CRPPA: variants seen among roughly 807,000 people sequenced by gnomAD.
The protein encoded by CRPPA is D-ribitol-5-phosphate cytidylyltransferase.
In CRPPA, 43 loss-of-function variants were observed where a neutral mutation model predicts 52.0. The observed-to-expected ratio is 0.83, with a 90% CI of 0.65 to 1.07. The LOEUF is 1.07. Ranked by LOEUF, CRPPA falls within the 50% of genes least tolerant of loss-of-function variation. The pLI is 0.00. For missense variants in CRPPA, 629 were observed against 551.7 expected (o/e 1.14, Z -1.40); for synonymous variants, 250 against 203.5 (o/e 1.23, Z -1.94).
intron 9 of CRPPA, among the ~76,000 whole-genome samples, chr7:16,114,346 T>A (rs1782326724): frequency 6.8e-6 from 1 of 146,260 alleles, no homozygotes; most frequent in Admixed American, 6.8e-5. Context: ...CAAAAAAAAA[T>A]CCCCAAACTT....
chr7:16,347,690 G>C (rs1178598884), intron 3 of CRPPA, among the ~76,000 whole-genome samples: 1 of 152,078 alleles, frequency 6.6e-6, no homozygotes, highest in East Asian at 1.9e-4. Context: ...TAAGGCAACT[G>C]AGAAAACATC....
chr7:16,412,979 C>G (rs1788107008), intron 1 of CRPPA, among the ~76,000 whole-genome samples: 1 of 152,134 alleles, frequency 6.6e-6, no homozygotes, highest in South Asian at 2.1e-4. Flanking sequence ...TTAACAAATG[C>G]TTTATGAAAC....
At chr7:16,408,533 C>G (rs1032469970) in intron 1 of CRPPA, among the ~76,000 whole-genome samples, 3 of 152,140 alleles carry the variant, frequency 2.0e-5, no homozygotes, top group African/African-American at 7.2e-5. Context: ...AAACTTTAAT[C>G]CTAAAAAGAG....
chr7:16,214,750 G>A (rs763583687), intron 9 of CRPPA, among the ~76,000 whole-genome samples: 24 of 152,110 alleles, frequency 1.6e-4, no homozygotes, highest in Non-Finnish European at 2.2e-4. Context: ...CAAGTGATCC[G>A]CCCGCCCATC....
chr7:16,102,867 T>C (rs1030212314), intron 9 of CRPPA, among the ~76,000 whole-genome samples: 2 of 152,146 alleles, frequency 1.3e-5, no homozygotes, highest in African/African-American at 4.8e-5. Flanking sequence ...GGTGTGTAAA[T>C]TAGTTCAACC....
chr7:16,202,073 A>T (rs1369715492), intron 9 of CRPPA, among the ~76,000 whole-genome samples: 5 of 152,188 alleles, frequency 3.3e-5, no homozygotes, highest in Non-Finnish European at 5.9e-5. Flanking sequence ...GCTGAATTTA[A>T]TCACATCTCC....
At chr7:16,353,858 A>T (rs1244163195) in intron 3 of CRPPA, among the ~76,000 whole-genome samples, 1 of 152,136 alleles carries the variant, frequency 6.6e-6, no homozygotes, top group African/African-American at 2.4e-5. Context: ...TCACAAAAAA[A>T]AAAATAAAAA....
chr7:16,271,634 A>G (rs1488415905), intron 6 of CRPPA, among the ~76,000 whole-genome samples: 1 of 152,094 alleles, frequency 6.6e-6, no homozygotes, highest in Non-Finnish European at 1.5e-5. Flanking sequence ...TGTTCTTTAA[A>G]TAGATAATTA....
At chr7:16,398,897 T>G (rs1256325581) in intron 2 of CRPPA, among the ~76,000 whole-genome samples, 3 of 152,052 alleles carry the variant, frequency 2.0e-5, no homozygotes. Context: ...TCAGCACATG[T>G]CCAACAAGTG....
intron 9 of CRPPA, among the ~76,000 whole-genome samples, chr7:16,206,831 A>G (rs7794053): frequency 0.062 from 9,497 of 152,178 alleles, 777 homozygotes; most frequent in East Asian, 0.3. Flanking sequence ...TACTGTAGAT[A>G]TGTTTATTAT....
chr7:16,237,149 C>A (rs1243850795), intron 8 of CRPPA, among the ~76,000 whole-genome samples: 1 of 152,168 alleles, frequency 6.6e-6, no homozygotes, highest in South Asian at 2.1e-4. Context: ...CTTCTTTTCT[C>A]TCATTTATTT....
intron 9 of CRPPA, among the ~76,000 whole-genome samples, chr7:16,190,832 G>A (rs1781594874): frequency 6.6e-6 from 1 of 151,924 alleles, no homozygotes; most frequent in Non-Finnish European, 1.5e-5. Flanking sequence ...CATCCTTATA[G>A]CTTAGCTCCC....
intron 1 of CRPPA, among the ~76,000 whole-genome samples, chr7:16,413,962 G>A (rs1788128991): frequency 6.6e-6 from 1 of 152,132 alleles, no homozygotes; most frequent in Non-Finnish European, 1.5e-5. Context: ...TCTGAAACAT[G>A]AATCAGTGCC....
intron 5 of CRPPA, among the ~76,000 whole-genome samples, chr7:16,297,722 C>T (rs1347831068): frequency 2.6e-5 from 4 of 152,146 alleles, no homozygotes; most frequent in Admixed American, 1.3e-4. Context: ...GCTCTATAGC[C>T]TTTATTACTG....
At position 16,376,225 on chromosome 7, in the gene CRPPA, C is replaced by T. The variant is rs773739293; in HGVS notation, c.551G>A (p.Arg184Gln). 97 of 1,605,742 alleles carry T rather than the reference C, an allele frequency of 6.0e-5. 1 individual carries two copies. In the Admixed American group the frequency reaches 1.0e-3, roughly 17 times the overall value. ...ACTGACGACAGTAGATACAAGAGGT[C>T]GAATGGCTCCTGCTGCCTGAAGAAC... ...AKEHGAAGAI[R>Q]PLVSTVVSPS... The change falls in exon 3 of 10, where the codon CGA (arginine) becomes CAA (glutamine). Residue 184 changes from arginine to glutamine, a missense_variant. By Grantham distance (43) the Arg-to-Gln change is conservative (BLOSUM62 1). Transcript: ENST00000407010.
chr7:16,099,212 C>T (rs1583353661), intron 9 of CRPPA, among the ~76,000 whole-genome samples: 3 of 150,756 alleles, frequency 2.0e-5, no homozygotes, highest in Admixed American at 6.6e-5. Flanking sequence ...ATGATTGTGC[C>T]ACTGCACTGC....
chr7:16,344,046 G>A (rs1190564106), intron 3 of CRPPA, among the ~76,000 whole-genome samples: 2 of 152,136 alleles, frequency 1.3e-5, no homozygotes, highest in East Asian at 3.9e-4. Context: ...AGACTTTATG[G>A]AATTAGCTCA....
chr7:16,234,180 G>A (rs940430653), intron 8 of CRPPA, among the ~76,000 whole-genome samples: 3 of 151,948 alleles, frequency 2.0e-5, no homozygotes, highest in African/African-American at 4.8e-5. Flanking sequence ...ATATAGTAGC[G>A]ATCCATTTAA....
intron 9 of CRPPA, among the ~76,000 whole-genome samples, chr7:16,123,702 T>C (rs969392315): frequency 6.6e-6 from 1 of 152,090 alleles, no homozygotes; most frequent in Non-Finnish European, 1.5e-5. Flanking sequence ...TGGAAATCCG[T>C]GAGTCGAGGA....
Sources: allele counts gnomAD v4.1 joint callset (sites outside exome capture counted in the v4.1 genomes callset), GRCh38; gene constraint gnomAD v4.1.1; transcripts MANE v1.5; gene names NCBI Gene and HGNC (gene_info 2026-07-23, HGNC 2026-07-21).